The following KCNH7 variants were observed in gnomAD, a reference collection of about 807,000 sequenced individuals.
KCNH7 encodes voltage-gated inwardly rectifying potassium channel KCNH7.
A neutral mutation model predicts 120.8 loss-of-function variants in KCNH7; 49 were observed. That is an observed-to-expected ratio of 0.41 (90% CI 0.32 to 0.51). KCNH7 has a LOEUF of 0.51. KCNH7 is among the 20% of genes least tolerant of loss of function. KCNH7 has a pLI of 0.38. For synonymous variants in KCNH7, 547 were observed against 516.1 expected (o/e 1.06, Z -0.81); for missense variants, 1,097 against 1,446.6 (o/e 0.76, Z 3.92).
At chr2:162,570,023 A>G (rs1015637859) in intron 2 of KCNH7, among the ~76,000 whole-genome samples, 9 of 138,490 alleles carry the variant, frequency 6.5e-5, no homozygotes, top group Non-Finnish European at 1.1e-4. Flanking sequence ...TGGGGTGGAG[A>G]GTTCTGTAGA....
intron 2 of KCNH7, among the ~76,000 whole-genome samples, chr2:162,730,077 A>C (rs1687672980): frequency 6.6e-6 from 1 of 151,930 alleles, no homozygotes; most frequent in East Asian, 1.9e-4. Context: ...TACAGTAATA[A>C]AAGTAAAAAA....
intron 9 of KCNH7, among the ~76,000 whole-genome samples, chr2:162,401,321 G>A (rs1006345633): frequency 2.0e-5 from 3 of 151,834 alleles, no homozygotes; most frequent in East Asian, 2.0e-4. Flanking sequence ...TTTGGGTGGC[G>A]TATGTAGATT....
intron 2 of KCNH7, among the ~76,000 whole-genome samples, chr2:162,801,008 C>CA (rs1480184222): frequency 6.6e-6 from 1 of 151,770 alleles, no homozygotes; most frequent in Admixed American, 6.6e-5. Flanking sequence ...CAAATATTGA[C>CA]ATTTATTTCA....
At chr2:162,418,547 T>G (rs1174012981) in intron 9 of KCNH7, among the ~76,000 whole-genome samples, 1 of 152,194 alleles carries the variant, frequency 6.6e-6, no homozygotes, top group Non-Finnish European at 1.5e-5. Flanking sequence ...CTGAAAGAGT[T>G]CACCATTATA....
intron 2 of KCNH7, among the ~76,000 whole-genome samples, chr2:162,593,742 C>A (rs572728531): frequency 6.6e-6 from 1 of 151,938 alleles, no homozygotes; most frequent in African/African-American, 2.4e-5. Flanking sequence ...AAACTCATTT[C>A]TAAATGAAAA....
rs141080790 is a variant in KCNH7 at position 162,437,885 on chromosome 2, G to A, written c.1555-2288C>T. Among the ~76,000 whole-genome samples, 231 of 152,204 alleles carry A rather than the reference G, an allele frequency of 1.5e-3. 2 individuals are homozygous for A. The highest frequency in any genetic ancestry group is 2.9e-3 in the Non-Finnish European group (198 of 68,012). On this transcript the variant is annotated intron_variant, in intron 7 of 15. Coordinates refer to ENST00000332142, the MANE Select transcript of KCNH7 (RefSeq NM_033272.4). Reference sequence around the variant, plus strand: ...TTGCAGCTCGCCTCAAGAAATGGCAGGGGCATTGAAACAAAGGGACTTCAT... The same window carrying A: ...TTGCAGCTCGCCTCAAGAAATGGCAAGGGCATTGAAACAAAGGGACTTCAT...
chr2:162,418,027 T>C (rs1251097195), intron 9 of KCNH7, among the ~76,000 whole-genome samples: 1 of 152,146 alleles, frequency 6.6e-6, no homozygotes, highest in African/African-American at 2.4e-5. Context: ...TAAATTTGTG[T>C]GTTCATAGTA....
intron 2 of KCNH7, among the ~76,000 whole-genome samples, chr2:162,792,403 C>T (rs1336759357): frequency 6.6e-6 from 1 of 151,986 alleles, no homozygotes; most frequent in Non-Finnish European, 1.5e-5. Flanking sequence ...TTTGTGAATC[C>T]ATCTGGCCCT....
chr2:162,798,925 G>A (rs984796813), intron 2 of KCNH7, among the ~76,000 whole-genome samples: 21 of 151,980 alleles, frequency 1.4e-4, no homozygotes, highest in Admixed American at 1.4e-3. Context: ...CAAATCTGCT[G>A]CAAAAGACCA....
intron 2 of KCNH7, among the ~76,000 whole-genome samples, chr2:162,733,783 T>C (rs775483460): frequency 1.3e-5 from 2 of 152,240 alleles, no homozygotes; most frequent in Admixed American, 6.5e-5. Context: ...AACCTGATTT[T>C]TTTTTAAGAA....
At chr2:162,380,475 G>C (rs936582864) in intron 13 of KCNH7, among the ~76,000 whole-genome samples, 1 of 152,040 alleles carries the variant, frequency 6.6e-6, no homozygotes, top group Non-Finnish European at 1.5e-5. Context: ...CCCAAGAAGA[G>C]AGCCTTAGAG....
chr2:162,787,393 C>T (rs558412569), intron 2 of KCNH7, among the ~76,000 whole-genome samples: 19 of 152,158 alleles, frequency 1.2e-4, no homozygotes, highest in African/African-American at 3.6e-4. Flanking sequence ...CTCAGTGGCT[C>T]CAGGCTCTAG....
At chr2:162,718,913 T>C (rs1687228976) in intron 2 of KCNH7, among the ~76,000 whole-genome samples, 1 of 152,012 alleles carries the variant, frequency 6.6e-6, no homozygotes, top group Non-Finnish European at 1.5e-5. Context: ...TGACATGTTG[T>C]ATGGCTATCC....
At chr2:162,726,090 T>C (rs937449164) in intron 2 of KCNH7, among the ~76,000 whole-genome samples, 1 of 152,242 alleles carries the variant, frequency 6.6e-6, no homozygotes, top group African/African-American at 2.4e-5. Flanking sequence ...AGTAGAAACA[T>C]ACCTTATCTC....
chr2:162,787,099 G>C (rs1202977093), intron 2 of KCNH7, among the ~76,000 whole-genome samples: 1 of 152,198 alleles, frequency 6.6e-6, no homozygotes, highest in Non-Finnish European at 1.5e-5. Context: ...GTTAACCCTG[G>C]TGCCAGGCTA....
At chr2:162,474,140 G>A (rs1574002537) in intron 6 of KCNH7, among the ~76,000 whole-genome samples, 1 of 152,116 alleles carries the variant, frequency 6.6e-6, no homozygotes, top group African/African-American at 2.4e-5. Flanking sequence ...ACCATTTCAG[G>A]TTTCAATGAA....
At chr2:162,660,268 C>G (rs1282786644) in intron 2 of KCNH7, among the ~76,000 whole-genome samples, 1 of 152,128 alleles carries the variant, frequency 6.6e-6, no homozygotes, top group Non-Finnish European at 1.5e-5. Context: ...CAATGCTACA[C>G]ATTTCCCTCT....
At chr2:162,414,456 T>C (rs1687482303) in intron 9 of KCNH7, among the ~76,000 whole-genome samples, 1 of 151,390 alleles carries the variant, frequency 6.6e-6, no homozygotes, top group African/African-American at 2.4e-5. Flanking sequence ...TATATAGTTA[T>C]AGTATATAAA....
At chr2:162,730,051 C>T (rs13028292) in intron 2 of KCNH7, among the ~76,000 whole-genome samples, 4 of 148,616 alleles carry the variant, frequency 2.7e-5, no homozygotes, top group East Asian at 2.0e-4. Context: ...GTAAATACAA[C>T]GTGTGAAAAT....
Sources: gnomAD v4.1 joint callset for allele counts (sites outside exome capture counted in the v4.1 genomes callset) on GRCh38, gnomAD v4.1.1 for gene constraint, MANE v1.5 for transcripts, NCBI Gene and HGNC (gene_info 2026-07-23, HGNC 2026-07-21) for gene names.